Variants in SUPT6H observed in about 807,000 individuals in gnomAD.
SUPT6H encodes the protein SPT6 homolog, histone chaperone and transcription elongation factor, also known as transcription elongation factor SPT6.
In SUPT6H, 11 loss-of-function variants were observed where a neutral mutation model predicts 222.3. That is an observed-to-expected ratio of 0.05 (90% CI 0.03 to 0.08). The LOEUF is 0.08. Ranked by LOEUF, SUPT6H falls within the 10% of genes least tolerant of loss-of-function variation. The pLI, the probability that SUPT6H is intolerant of heterozygous loss-of-function variation, is 1.00. For synonymous variants in SUPT6H, 762 were observed against 801.2 expected (o/e 0.95, Z 0.83); for missense variants, 1,422 against 2,216.0 (o/e 0.64, Z 7.19).
chr17:28,676,563 C>T, intron 7 of SUPT6H, 133 bp downstream of exon 7: 2 of 1,369,740 alleles, frequency 1.5e-6, no homozygotes, highest in East Asian at 4.8e-5. Flanking sequence ...CTGGGAAATC[C>T]AGCTCTTAGA....
At chr17:28,696,370 G>C (rs2031914717) in intron 29 of SUPT6H, among the ~76,000 whole-genome samples, 1 of 151,348 alleles carries the variant, frequency 6.6e-6, no homozygotes. Context: ...GCTGAGGCAG[G>C]CGGGTCGCTT....
At chr17:28,666,022 C>A (rs976569958) in intron 1 of SUPT6H, among the ~76,000 whole-genome samples, 5 of 152,198 alleles carry the variant, frequency 3.3e-5, no homozygotes, top group Admixed American at 6.5e-5. Context: ...CTTCTCCAAC[C>A]CTTATGAACC....
rs1253466203 is a variant in SUPT6H, at chr17:28,683,266, A to C, written c.1879-2A>C. 3.1e-6 allele frequency: 5 copies of C among 1,613,872 alleles called. No homozygotes were observed. ...CTCATGATTCCCCCTTCATGTGTGCAGGATGTGGATGAGGCCCACTATGCC... is the reference window on the plus strand; with the variant it reads ...CTCATGATTCCCCCTTCATGTGTGCCGGATGTGGATGAGGCCCACTATGCC... On this transcript the variant is annotated splice_acceptor_variant, in intron 15 of 36. Coordinates refer to ENST00000314616, the MANE Select transcript of SUPT6H (RefSeq NM_003170.5). LOFTEE classifies it high-confidence loss of function.
intron 26 of SUPT6H, 97 bp downstream of exon 26, chr17:28,690,326 T>C: frequency 6.8e-7 from 1 of 1,466,930 alleles, no homozygotes; most frequent in Non-Finnish European, 9.3e-7. Context: ...GGCAGGTTTG[T>C]GTTGTACATG....
At chr17:28,691,773 C>T (rs927226519) in intron 27 of SUPT6H, 1 of 151,702 alleles carries the variant, frequency 6.6e-6, no homozygotes, top group Non-Finnish European at 1.5e-5. Flanking sequence ...TGGCGTGAAC[C>T]CAGGAGATGG....
intron 4 of SUPT6H, 42 bp from the exon 5 acceptor site, chr17:28,674,928 A>G (rs1328994418): frequency 1.3e-6 from 2 of 1,597,594 alleles, no homozygotes; most frequent in South Asian, 2.3e-5. Flanking sequence ...TCCGTATGCC[A>G]GACTCCTCAG....
At chr17:28,682,247 C>A in intron 13 of SUPT6H, 1 of 403,180 alleles carries the variant, frequency 2.5e-6, no homozygotes, top group Non-Finnish European at 4.5e-6. Flanking sequence ...TTTCTTCTGC[C>A]TTATAACAGC....
chr17:28,662,586 G>C (rs1017452284), intron 1 of SUPT6H, among the ~76,000 whole-genome samples: 1 of 152,158 alleles, frequency 6.6e-6, no homozygotes, highest in African/African-American at 2.4e-5. Context: ...GAATCAACAG[G>C]CTTCCTGGCA....
Position 28,676,327 on chromosome 17 carries a change from G to T in SUPT6H, c.794G>T (p.Arg265Leu). The T allele has an allele frequency of 1.9e-6, 3 of 1,613,790 alleles. No individual in the cohort carries two copies. Among genetic ancestry groups the T allele is most frequent in the African/African-American group, 2.7e-5 (2 of 74,920 alleles). The change falls in exon 7 of 37, where the codon CGT (arginine) becomes CTT (leucine). Residue 265 changes from arginine (R) to leucine (L), a missense_variant. Around this residue, in one of 13 missense-constraint regions of SUPT6H, gnomAD observed 389 missense variants for 544.6 expected, o/e 0.71. Coordinates refer to ENST00000314616, the MANE Select transcript of SUPT6H (RefSeq NM_003170.5). ...AAGACCACCAAGAAGCGTGTGAGCC[G>T]TAGGAGCATCTTTGAAATGTATGAG... ...PKKTTKKRVS[R>L]RSIFEMYEPS...
intron 19 of SUPT6H, among the ~76,000 whole-genome samples, chr17:28,685,920 A>G (rs1175983375): frequency 6.6e-6 from 1 of 152,240 alleles, no homozygotes; most frequent in Non-Finnish European, 1.5e-5. Flanking sequence ...AAATCATAAG[A>G]AACTGGACAT....
chr17:28,673,014 G>A (rs2079229098), intron 1 of SUPT6H, among the ~76,000 whole-genome samples: 1 of 152,038 alleles, frequency 6.6e-6, no homozygotes, highest in Admixed American at 6.5e-5. Context: ...AGCCAGGCAT[G>A]GTGGCGCATG....
At position 28,699,890 on chromosome 17, in the gene SUPT6H, C is replaced by G; in HGVS notation, c.4558C>G (p.Pro1520Ala). The G allele has an allele frequency of 1.9e-6, 3 of 1,612,724 alleles. No individual in the cohort carries two copies. Among genetic ancestry groups the G allele is most frequent in the Non-Finnish European group, 2.5e-6 (3 of 1,178,784 alleles). ...WFKDHYQDPV[P>A]GITPSSSSRT... ...TAAGGATCACTACCAGGATCCTGTA[C>G]CAGGTGAGTTCTGCTCTTCCTGACT... Residue 1520 changes from proline (P) to alanine (A), a missense_variant, in exon 33 of 37, where the codon CCA becomes GCA. Transcript: ENST00000314616.
chr17:28,672,283 C>G (rs2030464328), intron 1 of SUPT6H, among the ~76,000 whole-genome samples: 1 of 152,224 alleles, frequency 6.6e-6, no homozygotes, highest in Non-Finnish European at 1.5e-5. Flanking sequence ...ACTTAATTGT[C>G]CCTACATTAG....
In SUPT6H at chr17:28,681,888, G is replaced by T; in HGVS notation, c.1505G>T (p.Gly502Val). ...VREEGDEEGE[G>V]DEAEDEEQRG... ...CCCCATGTTTTCTTCCCAGGTGAAG[G>T]TGACGAGGCAGAAGATGAGGAGCAG... Residue 502 changes from glycine to valine, a missense_variant, in exon 13 of 37, where the codon GGT (glycine) becomes GTT (valine). Around this residue, in one of 13 missense-constraint regions of SUPT6H, gnomAD observed 389 missense variants for 544.6 expected, o/e 0.71. Coordinates refer to ENST00000314616, the MANE Select transcript of SUPT6H (RefSeq NM_003170.5). 1 of 1,608,330 alleles carries T rather than the reference G, an allele frequency of 6.2e-7. No individual in the cohort carries two copies. The highest frequency in any genetic ancestry group is 8.5e-7 in the Non-Finnish European group (1 of 1,178,282).
At chr17:28,664,860 A>G (rs1337257818) in intron 1 of SUPT6H, among the ~76,000 whole-genome samples, 3 of 152,054 alleles carry the variant, frequency 2.0e-5, no homozygotes, top group Non-Finnish European at 4.4e-5. Flanking sequence ...CTTCTCCTTT[A>G]CTACTCCTCT....
chr17:28,697,774 C>T (rs1321030342), intron 31 of SUPT6H, 41 bp downstream of exon 31: 1 of 1,611,892 alleles, frequency 6.2e-7, no homozygotes, highest in Non-Finnish European at 8.5e-7. Flanking sequence ...TTGCCAATCA[C>T]TTAAGGATGT....
At chr17:28,685,481 T>C (rs888668120) in intron 19 of SUPT6H, among the ~76,000 whole-genome samples, 1 of 147,078 alleles carries the variant, frequency 6.8e-6, no homozygotes. Context: ...TCATTATTAT[T>C]ATTATTATTA....
chr17:28,687,197 T>C lies in SUPT6H; in HGVS notation c.2810T>C (p.Ile937Thr). 6.2e-7 allele frequency: 1 copy of C among 1,614,152 alleles called. No homozygotes were observed. The highest frequency in any genetic ancestry group is 8.5e-7 in the Non-Finnish European group (1 of 1,180,030). ...CAGGTGTGCAGTTCCGATGAAGACA[T>C]CCTGTGTCTCAAGTTTCACCCCTTG... ...FAQVCSSDEDILCLKFHPLQE... is the reference protein window; with the variant it reads ...FAQVCSSDEDTLCLKFHPLQE... Residue 937 changes from isoleucine to threonine, a missense_variant, in exon 22 of 37, where the codon ATC becomes ACC. By Grantham distance (89) the Ile-to-Thr change is moderately conservative. Around this residue, in one of 13 missense-constraint regions of SUPT6H, gnomAD observed 294 missense variants for 382.1 expected, o/e 0.77. Coordinates refer to ENST00000314616, the MANE Select transcript of SUPT6H (RefSeq NM_003170.5).
chr17:28,700,360 GT>G lies in SUPT6H; in HGVS notation c.4655del (p.Val1552GlyfsTer8). On this transcript the variant is annotated frameshift_variant, in exon 35 of 37. Coordinates refer to ENST00000314616, the MANE Select transcript of SUPT6H (RefSeq NM_003170.5). LOFTEE classifies it high-confidence loss of function. ...NINLADLTRAVNALPQNMTSQ... is the reference protein window; with the variant it reads ...NINLADLTRAXNALPQNMTSQ... ...TGTGCTTACAGATCTGACACGGGCTGTGAATGCCCTGCCTCAGAACATGACT... is the reference window on the plus strand; with the variant it reads ...TGTGCTTACAGATCTGACACGGGCTGGAATGCCCTGCCTCAGAACATGACT... 1 of 1,614,212 alleles carries G rather than the reference GT, an allele frequency of 6.2e-7. No homozygotes were observed. The highest frequency in any genetic ancestry group is 8.5e-7 in the Non-Finnish European group (1 of 1,180,036).
Sources: allele counts gnomAD v4.1 joint callset (sites outside exome capture counted in the v4.1 genomes callset), GRCh38; gene constraint gnomAD v4.1.1; regional missense constraint gnomAD v4.1.1; transcripts MANE v1.5; gene names NCBI Gene and HGNC (gene_info 2026-07-23, HGNC 2026-07-21).